The following STAC variants were observed in gnomAD, a reference collection of about 807,000 sequenced individuals.
STAC encodes SH3 and cysteine-rich domain-containing protein.
Under a neutral mutation model 48.8 loss-of-function variants are expected in STAC, and 43 were observed. The observed-to-expected ratio is 0.88, with a 90% CI of 0.69 to 1.14. STAC has a LOEUF of 1.14. Ranked by LOEUF, STAC falls within the 50% of genes most tolerant of loss-of-function variation. The pLI is 0.00. For synonymous variants in STAC, 193 were observed against 179.5 expected (o/e 1.07, Z -0.60); for missense variants, 497 against 504.0 (o/e 0.99, Z 0.13).
intron 1 of STAC, among the ~76,000 whole-genome samples, chr3:36,433,419 G>A (rs1475144984): frequency 6.6e-6 from 1 of 152,204 alleles, no homozygotes; most frequent in Non-Finnish European, 1.5e-5. Context: ...TGCCATCAGA[G>A]CACTTAAACA....
intron 5 of STAC, among the ~76,000 whole-genome samples, chr3:36,490,575 C>T (rs1051712657): frequency 2.0e-5 from 3 of 152,274 alleles, no homozygotes; most frequent in Admixed American, 1.3e-4. Flanking sequence ...AAAGCCAGCA[C>T]ATAGAGGCAA....
Position 36,546,418 on chromosome 3 carries a change from A to T in STAC, c.*129A>T. 1.3e-6 allele frequency: 1 copy of T among 768,282 alleles called. No individual in the cohort carries two copies. Among genetic ancestry groups the T allele is most frequent in the African/African-American group, 1.7e-5 (1 of 57,190 alleles). The allele number at this position is 768,282 out of a possible 1,614,324, so 47.6% of individuals were successfully genotyped here. On this transcript the variant is annotated 3_prime_UTR_variant, in exon 11 of 11. Coordinates refer to ENST00000273183, the MANE Select transcript of STAC (RefSeq NM_003149.3). ...CCCAGGAAACAGTGAGACAAGAATC[A>T]AGTATCTGAGACTGTGGAGTAATAG... is the stretch of plus-strand genomic sequence containing the variant.
At chr3:36,476,801 C>A (rs1020827611) in intron 2 of STAC, among the ~76,000 whole-genome samples, 6 of 152,194 alleles carry the variant, frequency 3.9e-5, no homozygotes, top group Non-Finnish European at 8.8e-5. Context: ...TGAAAATTAT[C>A]CATTGCTTTT....
rs542460619 is a variant in STAC, at chr3:36,491,874, C to G, written c.688-1277C>G. ...ACCAAAAATACAAAAATTAGCCAGG[C>G]ATGGTGGTGCATGCCTGTAATCCTG... is the stretch of plus-strand genomic sequence containing the variant. On this transcript the variant is annotated intron_variant, in intron 5 of 10. Coordinates refer to ENST00000273183, the MANE Select transcript of STAC (RefSeq NM_003149.3). Among the ~76,000 whole-genome samples, 18 of 149,578 alleles carry G rather than the reference C, an allele frequency of 1.2e-4. No homozygotes were observed. In the South Asian group the frequency reaches 3.2e-3, roughly 27 times the overall value.
chr3:36,514,445 A>C (rs574002601), intron 8 of STAC, among the ~76,000 whole-genome samples: 254 of 151,824 alleles, frequency 1.7e-3, no homozygotes, highest in African/African-American at 5.9e-3. Flanking sequence ...TTTGGATTAC[A>C]TTCTTCTGTT....
chr3:36,415,108 C>T (rs941941075), intron 1 of STAC, among the ~76,000 whole-genome samples: 22 of 152,192 alleles, frequency 1.4e-4, no homozygotes, highest in Non-Finnish European at 7.4e-5. Context: ...ATAGGCTACT[C>T]GGTGATCAGG....
At chr3:36,491,539 C>CT (rs935409923) in intron 5 of STAC, among the ~76,000 whole-genome samples, 9 of 151,742 alleles carry the variant, frequency 5.9e-5, no homozygotes, top group Non-Finnish European at 1.2e-4. Context: ...GACCCTGTGA[C>CT]TTTTTTTTCT....
At chr3:36,406,974 G>A (rs187552762) in intron 1 of STAC, among the ~76,000 whole-genome samples, 1 of 152,310 alleles carries the variant, frequency 6.6e-6, no homozygotes, top group African/African-American at 2.4e-5. Flanking sequence ...CACTCAAAAG[G>A]TATGATCTTG....
chr3:36,387,727 A>C (rs1407408169), intron 1 of STAC, among the ~76,000 whole-genome samples: 5 of 152,092 alleles, frequency 3.3e-5, no homozygotes, highest in Admixed American at 1.3e-4. Flanking sequence ...TTGTTTATCC[A>C]TTAATGCATC....
chr3:36,515,637 A>C (rs1251229014), intron 8 of STAC, among the ~76,000 whole-genome samples: 1 of 152,204 alleles, frequency 6.6e-6, no homozygotes, highest in Non-Finnish European at 1.5e-5. Flanking sequence ...TCTGGTGTTC[A>C]GCAGTAAATC....
intron 3 of STAC, among the ~76,000 whole-genome samples, chr3:36,484,134 C>G (rs1697734744): frequency 6.6e-6 from 1 of 152,106 alleles, no homozygotes; most frequent in South Asian, 2.1e-4. Flanking sequence ...CTTTGAGGCT[C>G]CTGGGGAAAG....
At chr3:36,411,378 G>A (rs769101795) in intron 1 of STAC, among the ~76,000 whole-genome samples, 4 of 152,172 alleles carry the variant, frequency 2.6e-5, no homozygotes, top group African/African-American at 4.8e-5. Flanking sequence ...ATCTGCATAT[G>A]TAACTTTATC....
At chr3:36,423,990 T>C (rs1271216315) in intron 1 of STAC, among the ~76,000 whole-genome samples, 1 of 152,150 alleles carries the variant, frequency 6.6e-6, no homozygotes, top group Non-Finnish European at 1.5e-5. Context: ...TGCCATATAA[T>C]GAATATAATG....
At chr3:36,386,384 T>C (rs1010549050) in intron 1 of STAC, among the ~76,000 whole-genome samples, 4 of 150,588 alleles carry the variant, frequency 2.7e-5, no homozygotes, top group Non-Finnish European at 5.9e-5. Flanking sequence ...AAAAAATGTA[T>C]TGCAGATATT....
At chr3:36,460,761 T>G (rs1020655399) in intron 2 of STAC, among the ~76,000 whole-genome samples, 1 of 152,154 alleles carries the variant, frequency 6.6e-6, no homozygotes, top group South Asian at 2.1e-4. Context: ...GAAAACTAAC[T>G]AATATGGTTA....
intron 1 of STAC, among the ~76,000 whole-genome samples, chr3:36,383,338 A>ATGTAT: frequency 9.7e-6 from 1 of 102,762 alleles, no homozygotes; most frequent in African/African-American, 5.7e-5. Flanking sequence ...CACTGTGAAA[A>ATGTAT]TTTATTATGG....
In STAC at chr3:36,409,106, T is replaced by C. The variant is rs371607967; in HGVS notation, c.111+28352T>C. On this transcript the variant is annotated intron_variant, in intron 1 of 10. Transcript: ENST00000273183. ...GAAGTCAAGGTCACAAACATGAAAT[T>C]TGCAAAATCAATTGCCCCTGATTTT... Among the ~76,000 whole-genome samples, 16 of 152,278 alleles carry C rather than the reference T, an allele frequency of 1.1e-4. No individual in the cohort carries two copies. The East Asian group carries it at 1.9e-3, about 18-fold the overall frequency.
At chr3:36,414,435 T>C (rs902322738) in intron 1 of STAC, among the ~76,000 whole-genome samples, 25 of 152,344 alleles carry the variant, frequency 1.6e-4, no homozygotes, top group African/African-American at 6.0e-4. Flanking sequence ...TGATCTTCCA[T>C]CACTGATACC....
At chr3:36,390,451 C>CTTTTTTTT (rs59589769) in intron 1 of STAC, among the ~76,000 whole-genome samples, 5,600 of 80,084 alleles carry the variant, frequency 0.07, 250 homozygotes, top group Non-Finnish European at 0.098. Flanking sequence ...TTTTTCTTTT[C>CTTTTTTTT]TTTTTTTTTT....
Sources: allele counts gnomAD v4.1 joint callset (sites outside exome capture counted in the v4.1 genomes callset), GRCh38; gene constraint gnomAD v4.1.1; transcripts MANE v1.5; gene names NCBI Gene and HGNC (gene_info 2026-07-23, HGNC 2026-07-21).